The following ERCC6L2 variants were observed in gnomAD, a reference collection of about 807,000 sequenced individuals.
ERCC6L2 encodes DNA excision repair protein ERCC-6-like 2.
Under a neutral mutation model 132.0 loss-of-function variants are expected in ERCC6L2, and 77 were observed. The ratio of observed to expected loss-of-function variants is 0.58; its 90% CI spans 0.49 to 0.71. The LOEUF (loss-of-function observed/expected upper bound fraction) is 0.71, where lower values mean the gene tolerates loss of function less well. Ranked by LOEUF, ERCC6L2 falls within the 30% of genes least tolerant of loss-of-function variation. The pLI is 0.00. For missense variants in ERCC6L2, 1,542 were observed against 1,837.6 expected, an observed-to-expected ratio of 0.84 and a Z score of 2.94; for synonymous variants, 583 against 632.4, an observed-to-expected ratio of 0.92 and a Z score of 1.17.
At chr9:96,010,212 G>A (rs1178881772) in intron 18 of ERCC6L2, among the ~76,000 whole-genome samples, 1 of 152,208 alleles carries the variant, frequency 6.6e-6, no homozygotes, top group African/African-American at 2.4e-5. Context: ...GAAAGTGGCT[G>A]TTGATCAAGC....
chr9:95,997,568 C>T (rs541837666), intron 17 of ERCC6L2, among the ~76,000 whole-genome samples: 9 of 152,186 alleles, frequency 5.9e-5, no homozygotes, highest in African/African-American at 2.2e-4. Flanking sequence ...GTATGCACAC[C>T]TAATAGACTA....
intron 12 of ERCC6L2, among the ~76,000 whole-genome samples, chr9:95,948,522 G>A (rs560058641): frequency 1.3e-4 from 20 of 152,044 alleles, no homozygotes; most frequent in South Asian, 8.3e-4. Context: ...GTGTGGTGGC[G>A]TGTGCCTGTG....
intron 17 of ERCC6L2, among the ~76,000 whole-genome samples, chr9:95,999,894 A>C (rs760522160): frequency 1.1e-5 from 1 of 94,302 alleles, no homozygotes; most frequent in Non-Finnish European, 2.0e-5. Context: ...TTTAAGATAC[A>C]ATTTTTTTTT....
At chr9:95,947,164 C>G (rs893349545) in intron 12 of ERCC6L2, among the ~76,000 whole-genome samples, 8 of 152,108 alleles carry the variant, frequency 5.3e-5, no homozygotes, top group Admixed American at 2.6e-4. Flanking sequence ...AGCAGTTGGC[C>G]AAGTTGTGAA....
In ERCC6L2 at chr9:96,012,788, G is replaced by T. The variant is rs542738146; in HGVS notation, c.4238G>T (p.Arg1413Ile). The stretch of plus-strand genomic sequence containing the variant: ...GACCTCACAAGAACGGGCATTTCAA[G>T]AAAAGAACCCCTTCTCAAATTGGAA... ...QQDLTRTGIS[R>I]KEPLLKLENK... The change falls in exon 19 of 19, where the codon AGA (arginine) becomes ATA (isoleucine). Residue 1413 changes from arginine to isoleucine, a missense_variant. By Grantham distance (97) the Arg-to-Ile change is moderately conservative. Around this residue, in one of 4 missense-constraint regions of ERCC6L2, gnomAD observed 442 missense variants for 583.4 expected, o/e 0.76. Coordinates refer to ENST00000653738, the MANE Select transcript of ERCC6L2 (RefSeq NM_020207.7). 5.1e-6 allele frequency: 7 copies of T among 1,367,544 alleles called. No individual in the cohort carries two copies. Among genetic ancestry groups the T allele is most frequent in the Non-Finnish European group, 6.9e-6 (7 of 1,021,828 alleles). The allele number at this position is 1,367,544 out of a possible 1,614,324, so 84.7% of individuals were successfully genotyped here.
Position 96,015,543 on chromosome 9 carries a change from C to T in ERCC6L2, c.*2340C>T, listed in dbSNP as rs1280215453. On this transcript the variant is annotated 3_prime_UTR_variant, in exon 19 of 19. Coordinates refer to ENST00000653738, the MANE Select transcript of ERCC6L2 (RefSeq NM_020207.7). ...GGGCACAGTGGCTCACGCCTGTAAT[C>T]CCAGCACTTTGGGAGGCCGAGGCAG... Among the ~76,000 whole-genome samples, 2 of 151,438 alleles carry T rather than the reference C, an allele frequency of 1.3e-5. No individual in the cohort carries two copies. The highest frequency in any genetic ancestry group is 4.8e-5 in the African/African-American group (2 of 41,302).
chr9:95,927,933 T>TG (rs1587921643), intron 9 of ERCC6L2, 146 bp from the exon 10 acceptor site: 2 of 549,532 alleles, frequency 3.6e-6, no homozygotes, highest in Non-Finnish European at 6.4e-6. Flanking sequence ...TTCTCTAACT[T>TG]GGAAAAAATG....
chr9:95,997,130 C>T (rs1307883349), intron 17 of ERCC6L2, among the ~76,000 whole-genome samples: 4 of 151,776 alleles, frequency 2.6e-5, no homozygotes, highest in African/African-American at 9.7e-5. Context: ...ATAATGATTT[C>T]TCTGGTGGAC....
At chr9:95,911,344 G>T (rs1829330450) in intron 4 of ERCC6L2, among the ~76,000 whole-genome samples, 1 of 152,042 alleles carries the variant, frequency 6.6e-6, no homozygotes, top group African/African-American at 2.4e-5. Context: ...CTTTGGTGTA[G>T]GAAATTTTTA....
intron 13 of ERCC6L2, among the ~76,000 whole-genome samples, chr9:95,957,049 A>T (rs2132993341): frequency 6.6e-6 from 1 of 152,322 alleles, no homozygotes; most frequent in African/African-American, 2.4e-5. Context: ...TAAGTGTGCT[A>T]ACTACTTTCC....
intron 17 of ERCC6L2, among the ~76,000 whole-genome samples, chr9:95,980,674 CAG>C (rs1037276233): frequency 2.6e-4 from 40 of 152,170 alleles, no homozygotes; most frequent in African/African-American, 9.4e-4. Flanking sequence ...TTATGTTACT[CAG>C]AGGTTTTGCA....
intron 18 of ERCC6L2, among the ~76,000 whole-genome samples, chr9:96,005,984 A>G (rs1833850025): frequency 6.6e-6 from 1 of 152,236 alleles, no homozygotes; most frequent in South Asian, 2.1e-4. Context: ...GAGTGGAGGT[A>G]CTGAATGGGG....
In ERCC6L2 at chr9:95,881,023, A is replaced by G; in HGVS notation, c.201A>G (p.Lys67=). ...TTCAAGAAAGGAAAATACCTCTTAA[A>G]CAGCTTCAAGAAGTGAAATTTGTTA... ...ADFQERKIPL[K]QLQEVKFVKD... Residue 67 remains lysine (K), a synonymous_variant, in exon 2 of 19, where the codon AAA becomes AAG. Coordinates refer to ENST00000653738, the MANE Select transcript of ERCC6L2 (RefSeq NM_020207.7). 2 of 1,614,046 alleles carry G rather than the reference A, an allele frequency of 1.2e-6. No homozygotes were observed. Among genetic ancestry groups the G allele is most frequent in the Non-Finnish European group, 1.7e-6 (2 of 1,179,932 alleles).
chr9:95,997,330 T>G (rs576898400), intron 17 of ERCC6L2, among the ~76,000 whole-genome samples: 77 of 152,308 alleles, frequency 5.1e-4, no homozygotes, highest in African/African-American at 1.8e-3. Context: ...GTAGATGTGG[T>G]GGAAGCAGCA....
At chr9:96,002,988 T>A (rs190910804) in intron 17 of ERCC6L2, among the ~76,000 whole-genome samples, 3 of 152,322 alleles carry the variant, frequency 2.0e-5, no homozygotes, top group East Asian at 1.9e-4. Flanking sequence ...CTATTTTTTT[T>A]AATCTCTGCA....
chr9:95,988,565 C>T (rs1833181260), intron 17 of ERCC6L2, among the ~76,000 whole-genome samples: 1 of 152,176 alleles, frequency 6.6e-6, no homozygotes, highest in Admixed American at 6.5e-5. Flanking sequence ...AATGCCTTAA[C>T]AGCAAGAACT....
At chr9:95,955,801 A>G in intron 12 of ERCC6L2, 113 bp from the exon 13 acceptor site, 1 of 527,926 alleles carries the variant, frequency 1.9e-6, no homozygotes, top group South Asian at 3.1e-5. Flanking sequence ...TAAAATGTTT[A>G]TTTTTAAATT....
At chr9:95,893,282 A>G (rs1050704897) in intron 2 of ERCC6L2, among the ~76,000 whole-genome samples, 10 of 152,130 alleles carry the variant, frequency 6.6e-5, no homozygotes. Flanking sequence ...TCAAACTTAT[A>G]TTTGCAGAAT....
rs1025620034 is a variant in ERCC6L2, at chr9:96,033,362, C to T, written c.*1504-5514C>T. 2.0e-5 allele frequency among the ~76,000 whole-genome samples: 3 copies of T among 152,034 alleles called. No homozygotes were observed. The South Asian group carries it at 6.2e-4, about 32-fold the overall frequency. On this transcript the variant is annotated intron_variant and NMD_transcript_variant, in intron 19 of 20. Transcript: ENST00000670016. ...TCGGGTTCAAGTGATTCTCATGCTT[C>T]AGCCTCCCAGTAGCTGAGATGACAG...
Sources: allele counts gnomAD v4.1 joint callset (sites outside exome capture counted in the v4.1 genomes callset), GRCh38; gene constraint gnomAD v4.1.1; regional missense constraint gnomAD v4.1.1; transcripts MANE v1.5; gene names NCBI Gene and HGNC (gene_info 2026-07-23, HGNC 2026-07-21).